Variants in OLFML2B observed in about 807,000 individuals in gnomAD.
The protein encoded by OLFML2B is olfactomedin-like protein 2B.
OLFML2B carries 57 observed loss-of-function variants against 74.9 expected under a neutral mutation model. The observed-to-expected ratio is 0.76, with a 90% CI of 0.61 to 0.95. The LOEUF (loss-of-function observed/expected upper bound fraction) is 0.95. OLFML2B is among the 40% of genes least tolerant of loss of function. The pLI, the probability that OLFML2B is intolerant of heterozygous loss-of-function variation, is 0.00. For missense variants in OLFML2B, 986 were observed against 970.6 expected, an observed-to-expected ratio of 1.02 and a Z score of -0.21; for synonymous variants, 388 against 405.8, an observed-to-expected ratio of 0.96 and a Z score of 0.53.
In OLFML2B at chr1:162,020,133, C is replaced by G; in HGVS notation, c.224G>C (p.Cys75Ser). ...KVKAMSEGSD[C>S]QCKCVVRPLG... ...GGGTCTCACCACACACTTGCACTGA[C>G]AGTCCGAGCCCTCAGACATAGCCTT... Residue 75 changes from cysteine (C) to serine (S), a missense_variant, in exon 2 of 8, where the codon TGT becomes TCT. Physicochemically the swap from Cys to Ser is moderately radical, Grantham distance 112. Transcript: ENST00000294794. 1 of 1,614,216 alleles carries G rather than the reference C, an allele frequency of 6.2e-7. No individual in the cohort carries two copies. Among genetic ancestry groups the G allele is most frequent in the African/African-American group, 1.3e-5 (1 of 75,056 alleles).
chr1:162,021,808 C>G (rs1275569559), intron 1 of OLFML2B, among the ~76,000 whole-genome samples: 1 of 152,060 alleles, frequency 6.6e-6, no homozygotes, highest in Non-Finnish European at 1.5e-5. Context: ...TGGATTCCTT[C>G]CTTACAGGAG....
intron 6 of OLFML2B, among the ~76,000 whole-genome samples, chr1:161,993,346 C>T (rs1002835364): frequency 1.3e-5 from 2 of 152,184 alleles, no homozygotes; most frequent in Non-Finnish European, 2.9e-5. Flanking sequence ...CTCAGTCTCC[C>T]TCTGTGACCC....
chr1:162,003,343 G>A (rs1218093628), intron 4 of OLFML2B, among the ~76,000 whole-genome samples: 2 of 152,180 alleles, frequency 1.3e-5, no homozygotes, highest in African/African-American at 4.8e-5. Context: ...CCGGACCCTG[G>A]TCTCCCTCTG....
At chr1:161,995,105 A>AG (rs879508726) in intron 6 of OLFML2B, among the ~76,000 whole-genome samples, 2 of 152,218 alleles carry the variant, frequency 1.3e-5, no homozygotes, top group East Asian at 3.8e-4. Context: ...AGAGAATGTT[A>AG]GGGTATGAAA....
intron 3 of OLFML2B, among the ~76,000 whole-genome samples, chr1:162,013,633 T>C (rs555635540): frequency 4.6e-5 from 7 of 152,246 alleles, no homozygotes; most frequent in Admixed American, 3.3e-4. Context: ...ACTTATCTAA[T>C]GTACCATAGA....
In OLFML2B at chr1:161,984,940, G is replaced by A. The variant is rs762543892; in HGVS notation, c.1515C>T (p.Thr505=). The A allele has an allele frequency of 4.0e-5, 65 of 1,610,874 alleles. No homozygotes were observed. The highest frequency in any genetic ancestry group is 3.6e-5 in the Non-Finnish European group (43 of 1,179,162). The change falls in exon 7 of 8, where the codon ACC becomes ACT. Residue 505 remains threonine, a synonymous_variant. Coordinates refer to ENST00000294794, the MANE Select transcript of OLFML2B (RefSeq NM_015441.3). ...CATTCCGCCCATATGTGTTCTGGGTGGTCGGCCCCGTGATTGTGGAGAGAG... is the reference window on the plus strand; with the variant it reads ...CATTCCGCCCATATGTGTTCTGGGTAGTCGGCCCCGTGATTGTGGAGAGAG... ...KDTLSTITGP[T]TQNTYGRNEG... is the part of the protein sequence containing the mutation.
At chr1:161,985,530 G>A (rs567125988) in intron 6 of OLFML2B, among the ~76,000 whole-genome samples, 14 of 152,328 alleles carry the variant, frequency 9.2e-5, no homozygotes, top group South Asian at 2.1e-4. Context: ...CCAAATGTCT[G>A]ATCCCAGGGT....
At chr1:162,022,755 G>A (rs1381116312) in intron 1 of OLFML2B, among the ~76,000 whole-genome samples, 1 of 152,052 alleles carries the variant, frequency 6.6e-6, no homozygotes, top group Admixed American at 6.5e-5. Flanking sequence ...ACTCCGTCAT[G>A]TTCTCAGTCT....
At chr1:161,997,544 C>T (rs1353361914) in intron 6 of OLFML2B, among the ~76,000 whole-genome samples, 3 of 152,202 alleles carry the variant, frequency 2.0e-5, no homozygotes, top group African/African-American at 4.8e-5. Flanking sequence ...ATGGATAGCC[C>T]TCAACAAATA....
At chr1:162,017,320 G>A in intron 3 of OLFML2B, 80 bp downstream of exon 3, 4 of 1,027,094 alleles carry the variant, frequency 3.9e-6, no homozygotes, top group Non-Finnish European at 6.1e-6. Context: ...ACATGTGCTA[G>A]CTGAAAATTT....
chr1:161,987,719 C>A (rs1244935151), intron 6 of OLFML2B, among the ~76,000 whole-genome samples: 3 of 152,166 alleles, frequency 2.0e-5, no homozygotes, highest in African/African-American at 7.2e-5. Flanking sequence ...GAAATGGATA[C>A]AGATGGAGTC....
At chr1:162,010,645 A>G (rs941165512) in intron 3 of OLFML2B, among the ~76,000 whole-genome samples, 1 of 152,070 alleles carries the variant, frequency 6.6e-6, no homozygotes, top group African/African-American at 2.4e-5. Flanking sequence ...GTAGTATCTT[A>G]AGCCAAAACC....
In OLFML2B at chr1:162,020,024, G is replaced by A. The variant is rs1293743012; in HGVS notation, c.333C>T (p.Gly111=). The A allele has an allele frequency of 1.9e-6, 3 of 1,614,082 alleles. No individual in the cohort carries two copies. The highest frequency in any genetic ancestry group is 2.5e-6 in the Non-Finnish European group (3 of 1,180,030). ...CTACACAGGCACACTTGCACGACGAGCCTGAGGTGATGGTTTCCACGGTAT... is the reference window on the plus strand; with the variant it reads ...CTACACAGGCACACTTGCACGACGAACCTGAGGTGATGGTTTCCACGGTAT... ...DFYTVETITS[G]SSCKCACVAP... The change falls in exon 2 of 8, where the codon GGC becomes GGT. Residue 111 remains glycine (G), a synonymous_variant. Transcript: ENST00000294794.
intron 6 of OLFML2B, 39 bp from the exon 7 acceptor site, chr1:161,985,019 T>C: frequency 6.4e-7 from 1 of 1,570,422 alleles, no homozygotes; most frequent in Non-Finnish European, 8.6e-7. Context: ...TGGGCTGATC[T>C]AGTGATGCCT....
intron 4 of OLFML2B, among the ~76,000 whole-genome samples, chr1:162,000,792 G>C (rs949263745): frequency 1.3e-5 from 2 of 152,156 alleles, no homozygotes; most frequent in African/African-American, 4.8e-5. Flanking sequence ...GGATGCCTGG[G>C]CTGGGACATG....
chr1:162,005,355 C>A (rs1388565742), intron 4 of OLFML2B, among the ~76,000 whole-genome samples: 1 of 152,140 alleles, frequency 6.6e-6, no homozygotes, highest in Non-Finnish European at 1.5e-5. Context: ...GGTTTGAGAC[C>A]CTCTGCCACC....
Position 162,006,473 on chromosome 1 carries a change from C to A in OLFML2B, c.547G>T (p.Glu183Ter). 1.4e-6 allele frequency: 2 copies of A among 1,459,720 alleles called. No homozygotes were observed. Among genetic ancestry groups the A allele is most frequent in the Non-Finnish European group, 1.8e-6 (2 of 1,112,118 alleles). 90.4% of individuals were successfully genotyped at this position (1,459,720 alleles called of 1,614,324 possible). The change falls in exon 4 of 8, where the codon GAA becomes TAA. Residue 183 changes from glutamate to a stop codon, truncating the protein, a stop_gained and splice_region_variant. Transcript: ENST00000294794. LOFTEE classifies it high-confidence loss of function. ...TCCTTGGTGAGGTTTTTAGACACTT[C>A]CTGAGAAGGAAAAAAAAAAGATGAT... ...LVGRVDKLEE[E>*]VSKNLTKENE...
intron 1 of OLFML2B, among the ~76,000 whole-genome samples, chr1:162,020,882 T>C (rs2101982221): frequency 6.6e-6 from 1 of 152,356 alleles, no homozygotes; most frequent in South Asian, 2.1e-4. Context: ...GTATTCAAGT[T>C]TGAAGACTAC....
Position 161,997,678 on chromosome 1 carries a change from T to A in OLFML2B, c.1474+147A>T, listed in dbSNP as rs893810770. ...ATAAATAAACCCTAGATGTTAAAAC[T>A]AATCGTTGGTCAAAGGCTTAACTCC... On this transcript the variant is annotated intron_variant, in intron 6 of 7. Transcript: ENST00000294794. The A allele has an allele frequency of 8.4e-5, 71 of 845,682 alleles. No individual in the cohort carries two copies. In the Middle Eastern group the frequency reaches 1.1e-3, roughly 13 times the overall value. The allele number at this position is 845,682 out of a possible 1,614,324, so 52.4% of individuals were successfully genotyped here. A position where few individuals can be genotyped will look rare whatever the true frequency, so the allele number is the denominator to read the frequency against.
Sources: gnomAD v4.1 joint callset for allele counts (sites outside exome capture counted in the v4.1 genomes callset) on GRCh38, gnomAD v4.1.1 for gene constraint, MANE v1.5 for transcripts, NCBI Gene and HGNC (gene_info 2026-07-23, HGNC 2026-07-21) for gene names.